The following MRPL39 variants were observed in gnomAD, a reference collection of about 807,000 sequenced individuals.
MRPL39 encodes mitochondrial ribosomal protein L39.
A neutral mutation model predicts 44.5 loss-of-function variants in MRPL39; 35 were observed. The ratio of observed to expected loss-of-function variants is 0.79; its 90% confidence interval spans 0.60 to 1.04. The LOEUF is 1.04. Ranked by LOEUF, MRPL39 falls within the 50% of genes least tolerant of loss-of-function variation. MRPL39 has a pLI of 0.00. For missense variants in MRPL39, 433 were observed against 413.5 expected (o/e 1.05, Z -0.41); for synonymous variants, 139 against 136.1 (o/e 1.02, Z -0.15).
rs547308256 is a variant in MRPL39 at position 25,588,817 on chromosome 21, G to A, written c.969+18C>T. The A allele has an allele frequency of 1.7e-5, 27 of 1,601,380 alleles. No individual in the cohort carries two copies. Among genetic ancestry groups the A allele is most frequent in the Admixed American group, 6.7e-5 (4 of 59,798 alleles). ...TTTCTTTATAGAAGAGTACTCAATAGCTGTCAAAAACACTTACCATTTTCC... is the reference window on the plus strand; with the variant it reads ...TTTCTTTATAGAAGAGTACTCAATAACTGTCAAAAACACTTACCATTTTCC... On this transcript the variant is annotated intron_variant, in intron 9 of 9. Transcript: ENST00000352957.
intron 9 of MRPL39, chr21:25,587,727 C>T (rs748647516): frequency 6.8e-6 from 11 of 1,611,360 alleles, no homozygotes; most frequent in Admixed American, 5.0e-5. Flanking sequence ...GGAGGAGGTA[C>T]GACTCAGGCG....
intron 6 of MRPL39, among the ~76,000 whole-genome samples, chr21:25,596,672 T>C: frequency 4.3e-5 from 1 of 23,464 alleles, no homozygotes; most frequent in African/African-American, 7.5e-5. Context: ...TCAGACTCTG[T>C]TATTTTTTTT....
At chr21:25,587,145 G>A (rs1435351702) in intron 9 of MRPL39, among the ~76,000 whole-genome samples, 1 of 152,132 alleles carries the variant, frequency 6.6e-6, no homozygotes, top group African/African-American at 2.4e-5. Context: ...TTCTAGGTAA[G>A]ACACTGTCTC....
Position 25,592,706 on chromosome 21 carries a change from A to T in MRPL39, c.921+106T>A. 5 of 849,402 alleles carry T rather than the reference A, an allele frequency of 5.9e-6. 1 individual carries two copies. The highest frequency in any genetic ancestry group is 8.2e-6 in the Non-Finnish European group (5 of 608,624). The allele number at this position is 849,402 out of a possible 1,614,324, so 52.6% of individuals were successfully genotyped here. A position where few individuals can be genotyped will look rare whatever the true frequency, so the allele number is the denominator to read the frequency against. ...GTTTATAAAATATTAGTGTCACATA[A>T]CTTAAGAAAAATTAAAAGTTTATAT... On this transcript the variant is annotated intron_variant, in intron 8 of 9. Transcript: ENST00000352957.
Position 25,597,294 on chromosome 21 carries a change from A to G in MRPL39, c.701+8T>C, listed in dbSNP as rs1459352446. ...GTTAGCCTTGATTTAAAGAAAGCCAACACTTACTTGCTGTGTTGAAATATT... is the reference window on the plus strand; with the variant it reads ...GTTAGCCTTGATTTAAAGAAAGCCAGCACTTACTTGCTGTGTTGAAATATT... On this transcript the variant is annotated splice_region_variant and intron_variant, in intron 6 of 9. Transcript: ENST00000352957. The G allele has an allele frequency of 6.5e-7, 1 of 1,535,188 alleles. No individual in the cohort carries two copies. The highest frequency in any genetic ancestry group is 2.3e-5 in the East Asian group (1 of 44,374).
chr21:25,592,373 C>T (rs1005768662), intron 8 of MRPL39, among the ~76,000 whole-genome samples: 1 of 151,976 alleles, frequency 6.6e-6, no homozygotes, highest in African/African-American at 2.4e-5. Flanking sequence ...GTCTTATAAC[C>T]CAATTATCTC....
At chr21:25,606,026 C>T (rs2123261081) in intron 2 of MRPL39, among the ~76,000 whole-genome samples, 1 of 152,284 alleles carries the variant, frequency 6.6e-6, no homozygotes, top group South Asian at 2.1e-4. Context: ...ACAGTGCCAA[C>T]CTTGCAATAC....
intron 2 of MRPL39, 95 bp downstream of exon 2, chr21:25,606,354 G>T: frequency 2.6e-6 from 3 of 1,135,652 alleles, no homozygotes; most frequent in South Asian, 1.6e-5. Context: ...GGCCACAGAT[G>T]ACCAGAAGTA....
intron 4 of MRPL39, 31 bp downstream of exon 4, chr21:25,601,337 G>T: frequency 7.4e-7 from 1 of 1,360,028 alleles, no homozygotes; most frequent in South Asian, 1.3e-5. Context: ...AATATTTAAG[G>T]ATCACAAAAA....
chr21:25,591,004 T>A (rs13051559), intron 8 of MRPL39, among the ~76,000 whole-genome samples: 2 of 150,346 alleles, frequency 1.3e-5, no homozygotes, highest in Non-Finnish European at 2.9e-5. Flanking sequence ...TTAACAAAGA[T>A]GCAAAAGTAA....
intron 9 of MRPL39, chr21:25,587,674 T>C (rs1192846919): frequency 4.7e-6 from 7 of 1,503,082 alleles, no homozygotes; most frequent in Middle Eastern, 1.7e-4. Context: ...CACAAACTTA[T>C]ATGAATAATT....
chr21:25,589,064 T>C (rs1241018794), intron 8 of MRPL39, among the ~76,000 whole-genome samples, 182 bp from the exon 9 acceptor site: 1 of 152,176 alleles, frequency 6.6e-6, no homozygotes, highest in Non-Finnish European at 1.5e-5. Flanking sequence ...ATAGCTGCTT[T>C]TTTGCTTTCT....
intron 5 of MRPL39, among the ~76,000 whole-genome samples, chr21:25,598,873 A>AC (rs1491034642): frequency 1.5e-5 from 2 of 137,622 alleles, no homozygotes; most frequent in Non-Finnish European, 3.3e-5. Flanking sequence ...AAAAAAAAAA[A>AC]ACACTACAAA....
At chr21:25,592,429 T>C (rs1309375483) in intron 8 of MRPL39, among the ~76,000 whole-genome samples, 1 of 152,066 alleles carries the variant, frequency 6.6e-6, no homozygotes, top group Non-Finnish European at 1.5e-5. Context: ...GTGGGAGCAA[T>C]GTGGAAAATG....
intron 1 of MRPL39, 77 bp downstream of exon 1, chr21:25,607,326 G>T: frequency 6.5e-7 from 1 of 1,535,162 alleles, no homozygotes; most frequent in Non-Finnish European, 9.0e-7. Context: ...GACCTCCCCG[G>T]CCCCGCCTCA....
rs569208716 is a variant in MRPL39 at position 25,588,594 on chromosome 21, T to C, written c.969+241A>G. ...TACATAGTAATATTCTTATTTCTCT[T>C]CAAGTTCTACAATATCATTTTCACG... On this transcript the variant is annotated intron_variant, in intron 9 of 9. Coordinates refer to ENST00000352957, the MANE Select transcript of MRPL39 (RefSeq NM_017446.4). Among the ~76,000 whole-genome samples, 7 of 152,318 alleles carry C rather than the reference T, an allele frequency of 4.6e-5. No homozygotes were observed. In the East Asian group the frequency reaches 1.3e-3, roughly 29 times the overall value.
upstream of MRPL39, chr21:25,607,576 C>T: frequency 1.6e-6 from 2 of 1,233,736 alleles, no homozygotes; most frequent in Non-Finnish European, 2.3e-6. Context: ...GTTCCGGACC[C>T]AGCACTCAGA....
At chr21:25,591,072 T>G (rs1413097396) in intron 8 of MRPL39, among the ~76,000 whole-genome samples, 3 of 71,868 alleles carry the variant, frequency 4.2e-5, no homozygotes, top group Non-Finnish European at 8.4e-5. Flanking sequence ...CTGACATCTA[T>G]AGCCCACAAA....
chr21:25,598,438 T>TA (rs780003224), intron 5 of MRPL39, among the ~76,000 whole-genome samples: 9,531 of 95,848 alleles, frequency 0.099, 406 homozygotes, highest in African/African-American at 0.15. Flanking sequence ...CCCATCTCTT[T>TA]AAAAAAAAAA....
Sources: gnomAD v4.1 joint callset for allele counts (sites outside exome capture counted in the v4.1 genomes callset) on GRCh38, gnomAD v4.1.1 for gene constraint, MANE v1.5 for transcripts, NCBI Gene and HGNC (gene_info 2026-07-23, HGNC 2026-07-21) for gene names.